The following DTL variants were observed in gnomAD, a reference collection of about 807,000 sequenced individuals.
DTL encodes the protein denticleless E3 ubiquitin protein ligase adapter, also known as denticleless protein homolog.
Under a neutral mutation model 87.0 loss-of-function variants are expected in DTL, and 46 were observed. The ratio of observed to expected loss-of-function variants is 0.53; its 90% CI spans 0.42 to 0.68. The LOEUF is 0.68. Among genes scored for constraint, DTL ranks in the 30% least tolerant of loss-of-function variants. DTL has a pLI of 0.00. For synonymous variants in DTL, 308 were observed against 311.2 expected (o/e 0.99, Z 0.11); for missense variants, 737 against 869.4 (o/e 0.85, Z 1.91).
At chr1:212,053,502 T>C (rs1668062338) in intron 5 of DTL, among the ~76,000 whole-genome samples, 1 of 151,880 alleles carries the variant, frequency 6.6e-6, no homozygotes, top group Admixed American at 6.6e-5. Flanking sequence ...CTTCATTTGT[T>C]TGTTTGTTTG....
At chr1:212,043,190 A>C (rs950238440) in intron 2 of DTL, 72 bp downstream of exon 2, 3 of 1,419,748 alleles carry the variant, frequency 2.1e-6, no homozygotes, top group East Asian at 2.4e-5. Flanking sequence ...AAAATATACT[A>C]GAGTATTTCC....
intron 5 of DTL, among the ~76,000 whole-genome samples, chr1:212,052,220 A>C (rs1235717761): frequency 6.6e-6 from 1 of 152,162 alleles, no homozygotes; most frequent in African/African-American, 2.4e-5. Context: ...GGTTTCTAGC[A>C]GTTTGACTGT....
intron 13 of DTL, 72 bp downstream of exon 13, chr1:212,080,822 C>G: frequency 6.7e-7 from 1 of 1,487,940 alleles, no homozygotes; most frequent in East Asian, 2.3e-5. Context: ...GAGTAATAAG[C>G]TAGATTTGAT....
chr1:212,046,123 T>C (rs1447918281), intron 3 of DTL, among the ~76,000 whole-genome samples: 1 of 152,148 alleles, frequency 6.6e-6, no homozygotes, highest in Non-Finnish European at 1.5e-5. Context: ...AAAGATTCCA[T>C]TGTAGAGAAT....
chr1:212,083,967 A>G (rs1373285261), intron 13 of DTL, among the ~76,000 whole-genome samples: 1 of 152,166 alleles, frequency 6.6e-6, no homozygotes, highest in Admixed American at 6.5e-5. Flanking sequence ...TTTAAGCTTG[A>G]GTTTTAAGCT....
chr1:212,071,555 A>G (rs1208231957), intron 10 of DTL, among the ~76,000 whole-genome samples: 1 of 152,214 alleles, frequency 6.6e-6, no homozygotes, highest in Admixed American at 6.5e-5. Flanking sequence ...GCTATTAGTA[A>G]GTTTTAACCA....
At chr1:212,077,501 T>G (rs570042789) in intron 11 of DTL, 1 of 152,688 alleles carries the variant, frequency 6.5e-6, no homozygotes, top group African/African-American at 2.4e-5. Flanking sequence ...AAAAAATGTT[T>G]TTCAGAAAGG....
intron 5 of DTL, among the ~76,000 whole-genome samples, chr1:212,062,053 A>G (rs1477088042): frequency 6.6e-6 from 1 of 152,224 alleles, no homozygotes; most frequent in Non-Finnish European, 1.5e-5. Context: ...GATACCCCAG[A>G]TACCCTGACT....
chr1:212,045,055 A>C (rs1301808375), intron 3 of DTL, among the ~76,000 whole-genome samples: 1 of 152,156 alleles, frequency 6.6e-6, no homozygotes, highest in Admixed American at 6.5e-5. Flanking sequence ...CTTTTTTAAC[A>C]ATCAGCTCTC....
At chr1:212,060,141 ACAT>A (rs1386208298) in intron 5 of DTL, among the ~76,000 whole-genome samples, 2 of 152,190 alleles carry the variant, frequency 1.3e-5, no homozygotes, top group Non-Finnish European at 2.9e-5. Context: ...CAAAATACCA[ACAT>A]CATTTTTCAC....
chr1:212,070,438 A>T (rs1654636981), intron 10 of DTL, among the ~76,000 whole-genome samples: 1 of 152,072 alleles, frequency 6.6e-6, no homozygotes, highest in Non-Finnish European at 1.5e-5. Context: ...GTGAAACCTC[A>T]TCTTGACAAA....
chr1:212,047,200 T>C lies in DTL; in HGVS notation c.327T>C (p.Gly109=), dbSNP rs1286249063. Residue 109 remains glycine (G), a synonymous_variant, in exon 4 of 15, where the codon GGT becomes GGC. Transcript: ENST00000366991. ...TCTTTGACCTGGCCTGGGTTCCTGG[T>C]GAACTTAAACTTGTAAGTGACTTTA... is the stretch of plus-strand genomic sequence containing the variant. ...NAVFDLAWVP[G]ELKLVTAAGD... 6.2e-7 allele frequency: 1 copy of C among 1,614,236 alleles called. No individual in the cohort carries two copies. The highest frequency in any genetic ancestry group is 1.1e-5 in the South Asian group (1 of 91,084).
At chr1:212,070,978 A>C (rs894521797) in intron 10 of DTL, among the ~76,000 whole-genome samples, 2 of 152,224 alleles carry the variant, frequency 1.3e-5, no homozygotes, top group African/African-American at 4.8e-5. Flanking sequence ...GAGTTGAGGA[A>C]GATTAAAAAT....
intron 6 of DTL, among the ~76,000 whole-genome samples, chr1:212,063,532 C>T (rs1245118454): frequency 6.6e-6 from 1 of 152,050 alleles, no homozygotes; most frequent in Non-Finnish European, 1.5e-5. Flanking sequence ...CTCAAGTGAT[C>T]TGCCCACCCT....
intron 5 of DTL, among the ~76,000 whole-genome samples, chr1:212,055,584 C>T (rs1430912234): frequency 1.3e-5 from 2 of 152,192 alleles, no homozygotes; most frequent in Non-Finnish European, 2.9e-5. Flanking sequence ...CCTGCAACCA[C>T]CACCACTCTG....
At chr1:212,075,312 C>T (rs1374857606) in intron 11 of DTL, among the ~76,000 whole-genome samples, 1 of 152,082 alleles carries the variant, frequency 6.6e-6, no homozygotes, top group Admixed American at 6.6e-5. Context: ...ATTCCTTGTG[C>T]CTTGAATTAA....
At chr1:212,102,484 G>A (rs983390330) in intron 14 of DTL, among the ~76,000 whole-genome samples, 1 of 152,142 alleles carries the variant, frequency 6.6e-6, no homozygotes, top group Non-Finnish European at 1.5e-5. Context: ...TCAGAAGAGA[G>A]TAACATCTTC....
At chr1:212,058,815 A>G (rs1388692278) in intron 5 of DTL, among the ~76,000 whole-genome samples, 1 of 152,104 alleles carries the variant, frequency 6.6e-6, no homozygotes, top group Non-Finnish European at 1.5e-5. Context: ...GAAAAAAAAG[A>G]AAGATGGTCT....
At chr1:212,082,318 A>G (rs926705751) in intron 13 of DTL, among the ~76,000 whole-genome samples, 3 of 152,332 alleles carry the variant, frequency 2.0e-5, no homozygotes, top group East Asian at 1.9e-4. Flanking sequence ...CTTGGGGACT[A>G]CAAGTATAGA....
Sources: gnomAD v4.1 joint callset for allele counts (sites outside exome capture counted in the v4.1 genomes callset) on GRCh38, gnomAD v4.1.1 for gene constraint, MANE v1.5 for transcripts, NCBI Gene and HGNC (gene_info 2026-07-23, HGNC 2026-07-21) for gene names.